PPP1R2: variants seen among roughly 807,000 people sequenced by gnomAD.
The protein encoded by PPP1R2 is protein phosphatase inhibitor 2.
A neutral mutation model predicts 29.9 loss-of-function variants in PPP1R2; 16 were observed. That is an observed-to-expected ratio of 0.53 (90% CI 0.36 to 0.81). The LOEUF (loss-of-function observed/expected upper bound fraction) is 0.81, where lower values mean the gene tolerates loss of function less well. Ranked by LOEUF, PPP1R2 falls within the 30% of genes least tolerant of loss-of-function variation. The pLI is 0.00. For missense variants in PPP1R2, 197 were observed against 252.7 expected (o/e 0.78, Z 1.49); for synonymous variants, 76 against 91.5 (o/e 0.83, Z 0.96).
At position 195,532,215 on chromosome 3, in the gene PPP1R2, C is replaced by CTTTTTTT. The variant is rs146508182; in HGVS notation, c.123-2321_123-2315dup. Among the ~76,000 whole-genome samples the CTTTTTTT allele has an allele frequency of 5.6e-4, 67 of 120,058 alleles. 1 individual carries two copies. Among genetic ancestry groups the CTTTTTTT allele is most frequent in the Middle Eastern group, 4.5e-3 (1 of 220 alleles). 78.8% of individuals were successfully genotyped at this position (120,058 alleles called of 152,430 possible). On this transcript the variant is annotated intron_variant, in intron 1 of 5. Coordinates refer to ENST00000618156, the MANE Select transcript of PPP1R2 (RefSeq NM_006241.8). The stretch of plus-strand genomic sequence containing the variant: ...CCAGCTAATTTTTCTTTTTCTTTTT[C>CTTTTTTT]TTTTTTTTTTTTTTTTTTTACAGGT...
chr3:195,521,043 G>A (rs1272328768), intron 4 of PPP1R2, among the ~76,000 whole-genome samples: 1 of 151,908 alleles, frequency 6.6e-6, no homozygotes, highest in Non-Finnish European at 1.5e-5. Flanking sequence ...AAGTCCGGGC[G>A]CAGTGCTCAC....
intron 1 of PPP1R2, among the ~76,000 whole-genome samples, chr3:195,530,577 G>C (rs562573216): frequency 6.6e-6 from 1 of 152,318 alleles, no homozygotes; most frequent in South Asian, 2.1e-4. Context: ...CCAGGCTGGA[G>C]TACAGTGGCG....
intron 2 of PPP1R2, among the ~76,000 whole-genome samples, chr3:195,527,287 T>TA (rs1719006688): frequency 6.6e-6 from 1 of 151,176 alleles, no homozygotes; most frequent in South Asian, 2.1e-4. Context: ...CTGTCAATAC[T>TA]AAAAATACAA....
intron 2 of PPP1R2, chr3:195,527,869 C>CTT (rs745651540): frequency 4.6e-4 from 143 of 313,750 alleles, no homozygotes; most frequent in Middle Eastern, 1.9e-3. Context: ...GATCTTGTAT[C>CTT]TTTTTTTTTT....
chr3:195,536,515 A>G (rs1187994337), intron 1 of PPP1R2, among the ~76,000 whole-genome samples: 1 of 152,172 alleles, frequency 6.6e-6, no homozygotes, highest in East Asian at 1.9e-4. Context: ...GTTACTTCCT[A>G]AGTGATGTTA....
intron 4 of PPP1R2, among the ~76,000 whole-genome samples, chr3:195,520,834 CTTTG>C (rs1301274363): frequency 1.3e-5 from 2 of 151,700 alleles, no homozygotes; most frequent in East Asian, 2.0e-4. Context: ...AGTACTTTCT[CTTTG>C]TTTGATTTTT....
Position 195,542,980 on chromosome 3 carries a change from T to A in PPP1R2, c.46A>T (p.Lys16Ter). 2 of 1,602,806 alleles carry A rather than the reference T, an allele frequency of 1.2e-6. No individual in the cohort carries two copies. Among genetic ancestry groups the A allele is most frequent in the Non-Finnish European group, 1.7e-6 (2 of 1,174,694 alleles). ...ASHRPIKGIL[K>*]NKTSTTSSMV... ...GAGGAAGTCGTAGAGGTCTTGTTCT[T>A]CAAGATCCCCTTGATGGGCCGGTGC... Residue 16 changes from lysine to a stop codon, truncating the protein, a stop_gained, in exon 1 of 6, where the codon AAG becomes TAG. Transcript: ENST00000618156. LOFTEE classifies it high-confidence loss of function.
chr3:195,531,306 G>A (rs2108948390), intron 1 of PPP1R2, among the ~76,000 whole-genome samples: 1 of 152,150 alleles, frequency 6.6e-6, no homozygotes, highest in Middle Eastern at 3.4e-3. Flanking sequence ...GTATGTACTT[G>A]GAAAAACCTG....
chr3:195,535,035 T>C (rs1050924692), intron 1 of PPP1R2, among the ~76,000 whole-genome samples: 1 of 152,132 alleles, frequency 6.6e-6, no homozygotes, highest in Non-Finnish European at 1.5e-5. Flanking sequence ...TCAGCACACA[T>C]GGCACTCTAC....
intron 1 of PPP1R2, among the ~76,000 whole-genome samples, chr3:195,541,481 GA>G (rs1426119627): frequency 8.7e-6 from 1 of 114,710 alleles, no homozygotes; most frequent in African/African-American, 3.4e-5. Context: ...TTTTTTTTAA[GA>G]GATGAGGTCT....
intron 1 of PPP1R2, among the ~76,000 whole-genome samples, chr3:195,542,013 G>T (rs1719615952): frequency 6.6e-6 from 1 of 152,014 alleles, no homozygotes; most frequent in Admixed American, 6.6e-5. Context: ...AATTTCAATG[G>T]TAACTTTTCT....
chr3:195,535,220 T>C (rs981364811), intron 1 of PPP1R2, among the ~76,000 whole-genome samples: 8 of 152,132 alleles, frequency 5.3e-5, no homozygotes, highest in African/African-American at 1.7e-4. Flanking sequence ...CAGTTCACAA[T>C]AGGGTTCACA....
Position 195,543,067 on chromosome 3 carries a change from G to C in PPP1R2, c.-42C>G, listed in dbSNP as rs556649327. Reference sequence around the variant, plus strand: ...TGTCGGCTCAGGGTCGCTGCTTGGCGTGGGGTCCGCGAAGAGAAGGGTCGG... The same window carrying C: ...TGTCGGCTCAGGGTCGCTGCTTGGCCTGGGGTCCGCGAAGAGAAGGGTCGG... On this transcript the variant is annotated 5_prime_UTR_variant, in exon 1 of 6. Coordinates refer to ENST00000618156, the MANE Select transcript of PPP1R2 (RefSeq NM_006241.8). The C allele has an allele frequency of 1.5e-5, 24 of 1,576,834 alleles. No homozygotes were observed. The South Asian group carries it at 2.7e-4, about 17-fold the overall frequency.
At chr3:195,530,541 T>C (rs1457830910) in intron 1 of PPP1R2, among the ~76,000 whole-genome samples, 2 of 152,260 alleles carry the variant, frequency 1.3e-5, no homozygotes, top group African/African-American at 2.4e-5. Context: ...TTTGTTTTGT[T>C]TTGAGACGGA....
chr3:195,530,744 T>C (rs1296276015), intron 1 of PPP1R2, among the ~76,000 whole-genome samples: 1 of 152,146 alleles, frequency 6.6e-6, no homozygotes, highest in Admixed American at 6.5e-5. Context: ...CAGGCTGGTC[T>C]TGAACTCCTG....
chr3:195,542,791 G>C, intron 1 of PPP1R2, 113 bp downstream of exon 1: 1 of 1,308,328 alleles, frequency 7.6e-7, no homozygotes, highest in Non-Finnish European at 1.0e-6. Context: ...CAGGAGAAGA[G>C]ACTCGAGCGG....
chr3:195,528,646 AT>A (rs925046774), intron 2 of PPP1R2: 3 of 138,106 alleles, frequency 2.2e-5, no homozygotes, highest in African/African-American at 8.1e-5. Context: ...ATGACAAAAT[AT>A]TTTAATCTTG....
In PPP1R2 at chr3:195,524,874, C is replaced by T. The variant is rs762128206; in HGVS notation, c.253G>A (p.Ala85Thr). 1 of 1,614,108 alleles carries T rather than the reference C, an allele frequency of 6.2e-7. No individual in the cohort carries two copies. The highest frequency in any genetic ancestry group is 1.1e-5 in the South Asian group (1 of 91,082). The change falls in exon 3 of 6, where the codon GCC becomes ACC. Residue 85 changes from alanine to threonine, a missense_variant. Physicochemically the swap from Ala to Thr is moderately conservative, Grantham distance 58 (BLOSUM62 0). This residue lies in a region of PPP1R2 where 135 missense variants were observed against 163.0 expected (regional missense o/e 0.83). Transcript: ENST00000618156. ...TCAGTGGCCTCGGTGTCACTACAGG[C>T]ATCTTCATCATCCCCCATCATACTA... ...YHSMMGDDEDACSDTEATEAM... is the reference protein window; with the variant it reads ...YHSMMGDDEDTCSDTEATEAM...
intron 4 of PPP1R2, among the ~76,000 whole-genome samples, chr3:195,521,631 GT>G (rs1386798310): frequency 6.6e-6 from 1 of 151,936 alleles, no homozygotes; most frequent in Admixed American, 6.6e-5. Flanking sequence ...TTTTGAAACT[GT>G]GCATCATGAT....
Sources: allele counts gnomAD v4.1 joint callset (sites outside exome capture counted in the v4.1 genomes callset), GRCh38; gene constraint gnomAD v4.1.1; regional missense constraint gnomAD v4.1.1; transcripts MANE v1.5; gene names NCBI Gene and HGNC (gene_info 2026-07-23, HGNC 2026-07-21).